The following NRG3 variants were observed in gnomAD, a reference collection of about 807,000 sequenced individuals.
NRG3 encodes neuregulin 3.
A neutral mutation model predicts 66.9 loss-of-function variants in NRG3; 31 were observed. That is an observed-to-expected ratio of 0.46 (90% CI 0.35 to 0.63). The LOEUF (loss-of-function observed/expected upper bound fraction) is 0.63, where lower values mean the gene tolerates loss of function less well. Among genes scored for constraint, NRG3 ranks in the 20% least tolerant of loss-of-function variants. NRG3 has a pLI of 0.00. For missense variants in NRG3, 910 were observed against 878.9 expected, an observed-to-expected ratio of 1.04 and a Z score of -0.45; for synonymous variants, 393 against 359.4, an observed-to-expected ratio of 1.09 and a Z score of -1.06.
chr10:82,148,226 G>C (rs2070405577), intron 1 of NRG3, among the ~76,000 whole-genome samples: 1 of 152,036 alleles, frequency 6.6e-6, no homozygotes, highest in Admixed American at 6.6e-5. Context: ...ATTGCGGGGG[G>C]GTGGCTCACA....
intron 1 of NRG3, among the ~76,000 whole-genome samples, chr10:82,328,512 A>G (rs1031954590): frequency 6.6e-6 from 1 of 152,312 alleles, no homozygotes; most frequent in East Asian, 1.9e-4. Flanking sequence ...TGGTTGGCCA[A>G]CATCTCTCCA....
chr10:82,399,138 C>G (rs895866605), intron 2 of NRG3, among the ~76,000 whole-genome samples: 6 of 152,202 alleles, frequency 3.9e-5, no homozygotes, highest in African/African-American at 1.4e-4. Flanking sequence ...AAATTAGAAT[C>G]ATGATAATTA....
At chr10:82,546,898 C>T (rs2043951637) in intron 2 of NRG3, among the ~76,000 whole-genome samples, 1 of 152,066 alleles carries the variant, frequency 6.6e-6, no homozygotes, top group Non-Finnish European at 1.5e-5. Context: ...CCACCCAAAA[C>T]TGTTGCCCAT....
chr10:81,974,558 G>A (rs2060047724), intron 1 of NRG3, among the ~76,000 whole-genome samples: 1 of 152,090 alleles, frequency 6.6e-6, no homozygotes, highest in East Asian at 1.9e-4. Context: ...GGAGCAAGGT[G>A]GTCCAAGACA....
intron 1 of NRG3, among the ~76,000 whole-genome samples, chr10:81,912,135 T>A (rs536400472): frequency 1.3e-5 from 2 of 152,220 alleles, no homozygotes; most frequent in South Asian, 2.1e-4. Flanking sequence ...TTTTACTTTT[T>A]GTATTTTATT....
chr10:82,154,446 C>G (rs988517804), intron 1 of NRG3, among the ~76,000 whole-genome samples: 2 of 151,790 alleles, frequency 1.3e-5, no homozygotes, highest in Non-Finnish European at 2.9e-5. Flanking sequence ...TCTTTTTATG[C>G]CAGTACCATG....
At chr10:82,573,583 G>T (rs2045866242) in intron 2 of NRG3, among the ~76,000 whole-genome samples, 1 of 151,758 alleles carries the variant, frequency 6.6e-6, no homozygotes, top group African/African-American at 2.4e-5. Flanking sequence ...AAATTGAAGT[G>T]CTTATGCAAC....
chr10:82,524,862 G>A (rs1286771074), intron 2 of NRG3, among the ~76,000 whole-genome samples: 1 of 151,740 alleles, frequency 6.6e-6, no homozygotes, highest in Admixed American at 6.6e-5. Context: ...ATGGTACTTA[G>A]CATTTTCTAC....
At chr10:82,402,250 C>T (rs908877269) in intron 2 of NRG3, among the ~76,000 whole-genome samples, 2 of 151,696 alleles carry the variant, frequency 1.3e-5, no homozygotes, top group Non-Finnish European at 2.9e-5. Flanking sequence ...AATAAGGGTG[C>T]TGGTAGTTAT....
At chr10:82,237,321 A>G (rs929500196) in intron 1 of NRG3, among the ~76,000 whole-genome samples, 1 of 152,182 alleles carries the variant, frequency 6.6e-6, no homozygotes, top group Admixed American at 6.5e-5. Context: ...CTTTATATCC[A>G]TCAGGTGTCA....
At chr10:82,759,841 T>C (rs1368141712) in intron 3 of NRG3, among the ~76,000 whole-genome samples, 1 of 152,136 alleles carries the variant, frequency 6.6e-6, no homozygotes, top group Non-Finnish European at 1.5e-5. Flanking sequence ...ATAATAATCA[T>C]ACTAATCTAT....
At chr10:82,312,517 G>C (rs2081081824) in intron 1 of NRG3, among the ~76,000 whole-genome samples, 1 of 152,292 alleles carries the variant, frequency 6.6e-6, no homozygotes, top group Non-Finnish European at 1.5e-5. Context: ...CCTAGCTCCT[G>C]CCGTGAAAGT....
At chr10:82,101,923 G>T (rs2066745521) in intron 1 of NRG3, among the ~76,000 whole-genome samples, 2 of 149,306 alleles carry the variant, frequency 1.3e-5, no homozygotes, top group South Asian at 2.1e-4. Context: ...AAATCTTAAA[G>T]AATAATTTGG....
intron 1 of NRG3, among the ~76,000 whole-genome samples, chr10:81,968,902 T>C (rs1589633074): frequency 1.3e-5 from 2 of 152,238 alleles, no homozygotes; most frequent in Admixed American, 1.3e-4. Context: ...GATCAACAGC[T>C]CTTGCAGAGA....
chr10:82,688,493 A>T (rs2054680115), intron 2 of NRG3, among the ~76,000 whole-genome samples: 1 of 152,288 alleles, frequency 6.6e-6, no homozygotes, highest in Non-Finnish European at 1.5e-5. Flanking sequence ...GTCAGTCTTC[A>T]TGATTTTTTT....
At chr10:82,184,033 C>G (rs2073627748) in intron 1 of NRG3, among the ~76,000 whole-genome samples, 1 of 152,026 alleles carries the variant, frequency 6.6e-6, no homozygotes, top group East Asian at 1.9e-4. Context: ...ATTAGGTAAG[C>G]AAATATCCTT....
intron 2 of NRG3, among the ~76,000 whole-genome samples, chr10:82,364,104 G>T (rs2084368187): frequency 6.6e-6 from 1 of 151,978 alleles, no homozygotes; most frequent in African/African-American, 2.4e-5. Context: ...GTAACACCCG[G>T]TTAAGAGAGT....
intron 2 of NRG3, among the ~76,000 whole-genome samples, chr10:82,491,650 C>A (rs1843159344): frequency 6.6e-6 from 1 of 151,914 alleles, no homozygotes; most frequent in African/African-American, 2.4e-5. Context: ...AATTTCCTAC[C>A]AATTAGTCTA....
At chr10:82,313,941 T>C (rs2081168578) in intron 1 of NRG3, among the ~76,000 whole-genome samples, 1 of 152,180 alleles carries the variant, frequency 6.6e-6, no homozygotes, top group Non-Finnish European at 1.5e-5. Flanking sequence ...CTCTCCTGTT[T>C]TAACCTGTCT....
Sources: gnomAD v4.1 joint callset for allele counts (sites outside exome capture counted in the v4.1 genomes callset) on GRCh38, gnomAD v4.1.1 for gene constraint, MANE v1.5 for transcripts, NCBI Gene and HGNC (gene_info 2026-07-23, HGNC 2026-07-21) for gene names.